Variants in ROS1 observed in about 807,000 individuals in gnomAD.
ROS1 encodes ROS proto-oncogene 1, receptor tyrosine kinase, also known as proto-oncogene tyrosine-protein kinase ROS.
In ROS1, 263 loss-of-function variants were observed where a neutral mutation model predicts 273.5. The observed-to-expected ratio is 0.96, with a 90% confidence interval of 0.87 to 1.06. The LOEUF (loss-of-function observed/expected upper bound fraction) is 1.06. Ranked by LOEUF, ROS1 falls within the 50% of genes least tolerant of loss-of-function variation. The pLI is 0.00. For missense variants in ROS1, 2,833 were observed against 2,751.1 expected, an observed-to-expected ratio of 1.03 and a Z score of -0.67; for synonymous variants, 1,008 against 954.1, an observed-to-expected ratio of 1.06 and a Z score of -1.04.
rs560122237 is a variant in ROS1 at position 117,424,604 on chromosome 6, C to T, written c.123+930G>A. ...TCTATATTAAAGGCAATGAAGTCTT[C>T]GGCAAAGATTTATATAAAATACTAA... On this transcript the variant is annotated intron_variant, in intron 1 of 43. Coordinates refer to ENST00000368507, the MANE Select transcript of ROS1 (RefSeq NM_001378902.1). Among the ~76,000 whole-genome samples the T allele has an allele frequency of 5.9e-5, 9 of 151,824 alleles. No individual in the cohort carries two copies. In the South Asian group the frequency reaches 8.3e-4, roughly 14 times the overall value.
chr6:117,398,073 T>TCA (rs1459051005), intron 7 of ROS1, among the ~76,000 whole-genome samples: 2 of 152,162 alleles, frequency 1.3e-5, no homozygotes, highest in African/African-American at 4.8e-5. Flanking sequence ...CAAGCATCAT[T>TCA]GCATCACTCC....
chr6:117,402,144 C>T (rs1318222281), intron 7 of ROS1, among the ~76,000 whole-genome samples: 2 of 152,186 alleles, frequency 1.3e-5, no homozygotes, highest in East Asian at 3.9e-4. Context: ...ATAAAAGCCA[C>T]ATTCCTTACC....
At position 117,397,252 on chromosome 6, in the gene ROS1, T is replaced by C. The variant is rs571367875; in HGVS notation, c.605-136A>G. ...AATAATTTTATTAATACTCAAAATA[T>C]GTGATAGAGGAAAGGTGGTAAGATG... On this transcript the variant is annotated intron_variant, in intron 7 of 43. Coordinates refer to ENST00000368507, the MANE Select transcript of ROS1 (RefSeq NM_001378902.1). 9 of 634,968 alleles carry C rather than the reference T, an allele frequency of 1.4e-5. No homozygotes were observed. The East Asian group carries it at 2.2e-4, about 15-fold the overall frequency. The allele number at this position is 634,968 out of a possible 1,614,324, so 39.3% of individuals were successfully genotyped here.
At chr6:117,332,767 G>C (rs180953646) in intron 32 of ROS1, among the ~76,000 whole-genome samples, 2 of 152,212 alleles carry the variant, frequency 1.3e-5, no homozygotes, top group African/African-American at 4.8e-5. Context: ...ATGAAATTAA[G>C]GCAGAAATAA....
chr6:117,404,018 C>T (rs1774174448), intron 6 of ROS1, among the ~76,000 whole-genome samples: 1 of 152,158 alleles, frequency 6.6e-6, no homozygotes, highest in Non-Finnish European at 1.5e-5. Context: ...GGGCGGATCA[C>T]GAGGTCAGGA....
At chr6:117,357,733 C>T (rs1283923928) in intron 25 of ROS1, 71 bp downstream of exon 25, 1 of 1,060,362 alleles carries the variant, frequency 9.4e-7, no homozygotes, top group East Asian at 2.6e-5. Flanking sequence ...TACTATTAAA[C>T]CAAAGACATT....
At chr6:117,334,146 G>C (rs1777295454) in intron 32 of ROS1, among the ~76,000 whole-genome samples, 1 of 152,146 alleles carries the variant, frequency 6.6e-6, no homozygotes, top group African/African-American at 2.4e-5. Context: ...CTTCAGCAAA[G>C]TCTCAAGATA....
Position 117,384,546 on chromosome 6 carries a change from G to C in ROS1, c.2290-1038C>G, listed in dbSNP as rs547725819. Among the ~76,000 whole-genome samples, 25 of 152,190 alleles carry C rather than the reference G, an allele frequency of 1.6e-4. No individual in the cohort carries two copies. The South Asian group carries it at 4.8e-3, about 29-fold the overall frequency. On this transcript the variant is annotated intron_variant, in intron 16 of 43. Coordinates refer to ENST00000368507, the MANE Select transcript of ROS1 (RefSeq NM_001378902.1). ...ATGATTGCTGGACAAATAAATAAAT[G>C]GACAGCAAGTACTTTCCTGATTAAA... is the stretch of plus-strand genomic sequence containing the variant.
chr6:117,404,570 T>A, intron 5 of ROS1, 142 bp from the exon 6 acceptor site: 1 of 660,374 alleles, frequency 1.5e-6, no homozygotes, highest in Non-Finnish European at 2.5e-6. Flanking sequence ...TAATCAATGG[T>A]ATGCATATTC....
intron 32 of ROS1, among the ~76,000 whole-genome samples, chr6:117,332,099 T>C (rs1224016061): frequency 1.3e-5 from 2 of 150,386 alleles, no homozygotes; most frequent in Non-Finnish European, 3.0e-5. Flanking sequence ...AGATCTATCT[T>C]ACATGCAAAG....
chr6:117,316,388 G>A (rs1334145042), intron 39 of ROS1, among the ~76,000 whole-genome samples: 3 of 151,922 alleles, frequency 2.0e-5, no homozygotes, highest in African/African-American at 4.8e-5. Context: ...TTAGCCATAT[G>A]ATGTTTATTT....
chr6:117,372,698 G>A (rs1014912938), intron 18 of ROS1, among the ~76,000 whole-genome samples: 1 of 152,204 alleles, frequency 6.6e-6, no homozygotes, highest in Non-Finnish European at 1.5e-5. Flanking sequence ...TGGGTTCGTG[G>A]TCTCACTGGC....
At chr6:117,413,714 G>T (rs1291258060) in intron 4 of ROS1, among the ~76,000 whole-genome samples, 2 of 152,180 alleles carry the variant, frequency 1.3e-5, no homozygotes, top group East Asian at 3.9e-4. Flanking sequence ...AGGCTTGGTG[G>T]CTCATGCCTG....
chr6:117,396,882 G>T (rs542903648), intron 8 of ROS1, 33 bp downstream of exon 8: 6 of 1,443,354 alleles, frequency 4.2e-6, no homozygotes, highest in African/African-American at 1.4e-5. Flanking sequence ...AGCCATGCTG[G>T]TTACATTTTC....
At chr6:117,395,905 T>C (rs1468727886) in intron 9 of ROS1, among the ~76,000 whole-genome samples, 1 of 152,182 alleles carries the variant, frequency 6.6e-6, no homozygotes. Flanking sequence ...GAAACACTAG[T>C]GATTTCAACT....
chr6:117,416,122 T>G, intron 3 of ROS1, 136 bp downstream of exon 3: 2 of 637,652 alleles, frequency 3.1e-6, no homozygotes, highest in Non-Finnish European at 2.8e-6. Context: ...TATTGGTTTT[T>G]TAGTTTTGTT....
At chr6:117,338,144 C>T (rs991353500) in intron 31 of ROS1, among the ~76,000 whole-genome samples, 9 of 152,016 alleles carry the variant, frequency 5.9e-5, no homozygotes, top group Non-Finnish European at 1.2e-4. Context: ...GGCAATTTGT[C>T]AGGGGTTCTT....
intron 31 of ROS1, among the ~76,000 whole-genome samples, chr6:117,337,974 GT>G (rs1249922857): frequency 6.6e-6 from 1 of 152,010 alleles, no homozygotes; most frequent in African/African-American, 2.4e-5. Flanking sequence ...AGAAAATCTT[GT>G]TTTCATTCCA....
In ROS1 at chr6:117,311,078, G is replaced by C. The variant is rs2128549941; in HGVS notation, c.6157C>G (p.Leu2053Val). 1 of 1,610,228 alleles carries C rather than the reference G, an allele frequency of 6.2e-7. No individual in the cohort carries two copies. Among genetic ancestry groups the C allele is most frequent in the Non-Finnish European group, 8.5e-7 (1 of 1,178,230 alleles). ...PLLTLVDLVD[L>V]CVDISKGCVY... The stretch of plus-strand genomic sequence containing the variant: ...CAGCCTTTTGAAATATCTACACACA[G>C]GTCTACAAGGTCAACCAAGGTGAGT... The change falls in exon 40 of 44, where the codon CTG becomes GTG. Residue 2053 changes from leucine (L) to valine (V), a missense_variant. Transcript: ENST00000368507.
Sources: allele counts gnomAD v4.1 joint callset (sites outside exome capture counted in the v4.1 genomes callset), GRCh38; gene constraint gnomAD v4.1.1; transcripts MANE v1.5; gene names NCBI Gene and HGNC (gene_info 2026-07-23, HGNC 2026-07-21).